ULK4: variants seen among roughly 807,000 people sequenced by gnomAD.
ULK4 encodes the protein unc-51 like kinase 4, also known as inactive serine/threonine-protein kinase ULK4.
ULK4 carries 133 observed loss-of-function variants against 160.6 expected under a neutral mutation model. That is an observed-to-expected ratio of 0.83 (90% CI 0.72 to 0.96). ULK4 has a LOEUF of 0.96. Ranked by LOEUF, ULK4 falls within the 40% of genes least tolerant of loss-of-function variation. The pLI is 0.00. For synonymous variants in ULK4, 534 were observed against 539.8 expected (o/e 0.99, Z 0.15); for missense variants, 1,580 against 1,499.5 (o/e 1.05, Z -0.89).
intron 34 of ULK4, among the ~76,000 whole-genome samples, chr3:41,449,899 T>C (rs993424259): frequency 6.8e-6 from 1 of 148,142 alleles, no homozygotes; most frequent in Non-Finnish European, 1.5e-5. Flanking sequence ...ATAGCCACAC[T>C]GATACAAGTT....
intron 23 of ULK4, 143 bp downstream of exon 23, chr3:41,717,585 C>A (rs1045616126): frequency 6.2e-5 from 65 of 1,047,296 alleles, no homozygotes; most frequent in African/African-American, 1.6e-4. Flanking sequence ...AAATTTAAAT[C>A]TTGAAACTAC....
intron 5 of ULK4, among the ~76,000 whole-genome samples, chr3:41,921,196 C>T (rs749809698): frequency 2.6e-5 from 4 of 152,016 alleles, no homozygotes; most frequent in Non-Finnish European, 4.4e-5. Context: ...CCTGTAATCC[C>T]GGCTACACAG....
chr3:41,457,309 T>C (rs2125873387), intron 33 of ULK4, among the ~76,000 whole-genome samples: 1 of 152,222 alleles, frequency 6.6e-6, no homozygotes, highest in African/African-American at 2.4e-5. Context: ...TGTAGGACTT[T>C]TTCCACCAGG....
intron 35 of ULK4, among the ~76,000 whole-genome samples, chr3:41,306,511 C>T (rs1206061414): frequency 1.3e-5 from 2 of 148,452 alleles, no homozygotes; most frequent in Non-Finnish European, 3.0e-5. Context: ...CCGCCCCATC[C>T]GGGAGGGAGG....
chr3:41,448,246 G>A (rs1412621328), intron 34 of ULK4, among the ~76,000 whole-genome samples: 1 of 152,114 alleles, frequency 6.6e-6, no homozygotes, highest in Non-Finnish European at 1.5e-5. Context: ...GATGCTATGG[G>A]AGCCGGGGTC....
At chr3:41,734,289 T>C (rs918797217) in intron 22 of ULK4, among the ~76,000 whole-genome samples, 5 of 152,188 alleles carry the variant, frequency 3.3e-5, no homozygotes, top group African/African-American at 1.2e-4. Context: ...CTCAGAAGTT[T>C]GGGTTTGAGT....
At chr3:41,830,069 T>C (rs2125645330) in intron 18 of ULK4, among the ~76,000 whole-genome samples, 1 of 152,032 alleles carries the variant, frequency 6.6e-6, no homozygotes, top group South Asian at 2.1e-4. Context: ...CACCGCATGT[T>C]CTCACTCATA....
chr3:41,422,203 T>C (rs527944464), intron 34 of ULK4, among the ~76,000 whole-genome samples: 6 of 152,290 alleles, frequency 3.9e-5, no homozygotes, highest in Admixed American at 3.9e-4. Flanking sequence ...GAAAGGGTGA[T>C]CATGTCCTGT....
intron 32 of ULK4, among the ~76,000 whole-genome samples, chr3:41,528,595 A>G (rs919296563): frequency 1.3e-5 from 2 of 152,202 alleles, no homozygotes; most frequent in African/African-American, 4.8e-5. Flanking sequence ...TGATTCATTA[A>G]GCACAGTAAA....
intron 35 of ULK4, among the ~76,000 whole-genome samples, chr3:41,319,269 C>T (rs982101215): frequency 3.3e-5 from 5 of 152,128 alleles, no homozygotes; most frequent in African/African-American, 1.2e-4. Context: ...GTGACTTAAA[C>T]TCTTCAACTT....
At chr3:41,371,179 G>A (rs1304016092) in intron 35 of ULK4, among the ~76,000 whole-genome samples, 5 of 152,196 alleles carry the variant, frequency 3.3e-5, no homozygotes, top group African/African-American at 1.2e-4. Context: ...CATCTCCCTA[G>A]GACAGAGCAA....
At chr3:41,548,424 C>T (rs2086941376) in intron 32 of ULK4, among the ~76,000 whole-genome samples, 2 of 151,968 alleles carry the variant, frequency 1.3e-5, no homozygotes, top group Admixed American at 6.6e-5. Flanking sequence ...CCATCAGAAA[C>T]CCTGACAAAA....
intron 31 of ULK4, among the ~76,000 whole-genome samples, chr3:41,589,430 C>CAAAAAA (rs34913730): frequency 5.5e-5 from 4 of 72,092 alleles, no homozygotes; most frequent in Non-Finnish European, 5.4e-5. Flanking sequence ...AAGGCCAGGC[C>CAAAAAA]AAAAAAAAAA....
At position 41,863,890 on chromosome 3, in the gene ULK4, G is replaced by A. The variant is rs563845398; in HGVS notation, c.1656+19984C>T. On this transcript the variant is annotated intron_variant, in intron 17 of 36. Transcript: ENST00000301831. ...AAGGAAGGGGTCTTTTTTTGGAGCC[G>A]CGAGCTATGCAGCCTGGGGTTGGGG... Among the ~76,000 whole-genome samples, 6 of 151,524 alleles carry A rather than the reference G, an allele frequency of 4.0e-5. No homozygotes were observed. The Middle Eastern group carries it at 0.01, about 258-fold the overall frequency.
chr3:41,445,719 T>G (rs900132321), intron 34 of ULK4, among the ~76,000 whole-genome samples: 1 of 152,112 alleles, frequency 6.6e-6, no homozygotes, highest in Non-Finnish European at 1.5e-5. Flanking sequence ...ACACAAAAAT[T>G]AATTCAAGAT....
chr3:41,819,458 C>T lies in ULK4; in HGVS notation c.1813G>A (p.Ala605Thr). Residue 605 changes from alanine to threonine, a missense_variant, in exon 19 of 37, where the codon GCA becomes ACA. Coordinates refer to ENST00000301831, the MANE Select transcript of ULK4 (RefSeq NM_017886.4). ...PRECWAVPLA[A>T]YTVLMRCLRE... Reference sequence around the variant, plus strand: ...AGGCACCTCATTAGCACTGTGTATGCAGCCAAGGGAACAGCCCAGCACTCT... The same window carrying T: ...AGGCACCTCATTAGCACTGTGTATGTAGCCAAGGGAACAGCCCAGCACTCT... 6.2e-7 allele frequency: 1 copy of T among 1,613,790 alleles called. No individual in the cohort carries two copies. The highest frequency in any genetic ancestry group is 8.5e-7 in the Non-Finnish European group (1 of 1,179,920).
chr3:41,959,630 A>G (rs1354064596), intron 1 of ULK4, among the ~76,000 whole-genome samples: 1 of 152,068 alleles, frequency 6.6e-6, no homozygotes, highest in Non-Finnish European at 1.5e-5. Context: ...TCGTTCTAAA[A>G]CCCATTCATT....
rs1249926313 is a variant in ULK4 at position 41,712,188 on chromosome 3, C to A, written c.2634+3049G>T. Among the ~76,000 whole-genome samples the A allele has an allele frequency of 2.6e-5, 4 of 152,036 alleles. No individual in the cohort carries two copies. In the East Asian group the frequency reaches 7.7e-4, roughly 29 times the overall value. On this transcript the variant is annotated intron_variant, in intron 25 of 36. Coordinates refer to ENST00000301831, the MANE Select transcript of ULK4 (RefSeq NM_017886.4). ...ATAAGAAGTATCCTGAATTTTTGTA[C>A]CAAAAAAACAAAAAATGTCTGTAGG... is the stretch of plus-strand genomic sequence containing the variant.
chr3:41,584,267 T>C (rs1420539295), intron 31 of ULK4, among the ~76,000 whole-genome samples: 11 of 152,188 alleles, frequency 7.2e-5, no homozygotes, highest in East Asian at 3.9e-4. Flanking sequence ...TTCTGAACTA[T>C]GGATCATAAC....
Sources: gnomAD v4.1 joint callset for allele counts (sites outside exome capture counted in the v4.1 genomes callset) on GRCh38, gnomAD v4.1.1 for gene constraint, MANE v1.5 for transcripts, NCBI Gene and HGNC (gene_info 2026-07-23, HGNC 2026-07-21) for gene names.